The following COL4A6 variants were observed in gnomAD, a reference collection of about 807,000 sequenced individuals.
COL4A6 encodes collagen type IV alpha 6 chain, also known as collagen alpha-6(IV) chain.
In COL4A6, 59 loss-of-function variants were observed where a neutral mutation model predicts 126.7. The observed-to-expected ratio is 0.47, with a 90% CI of 0.38 to 0.58. COL4A6 has a LOEUF of 0.58. COL4A6 is among the 20% of genes least tolerant of loss of function. The pLI, the probability that COL4A6 is intolerant of heterozygous loss-of-function variation, is 0.00. For synonymous variants in COL4A6, 547 were observed against 496.6 expected (o/e 1.10, Z -1.35); for missense variants, 1,285 against 1,337.3 (o/e 0.96, Z 0.61).
chrX:108,306,291 G>A (rs1212530464), intron 3 of COL4A6, among the ~76,000 whole-genome samples: 3 of 112,133 alleles, frequency 2.7e-5, no homozygotes, highest in Non-Finnish European at 5.6e-5. Context: ...TCTGAGGAGT[G>A]AGAGGGCAAA....
At chrX:108,380,306 A>G (rs924271608) in intron 2 of COL4A6, among the ~76,000 whole-genome samples, 3 of 112,592 alleles carry the variant, frequency 2.7e-5, no homozygotes, top group African/African-American at 9.7e-5. Context: ...GTTCATAAAT[A>G]GCTGAATTGC....
rs1300240458 is a variant in COL4A6, at chrX:108,169,584, A to G, written c.3602T>C (p.Leu1201Pro). The change falls in exon 37 of 45, where the codon CTC (leucine) becomes CCC (proline). Residue 1201 changes from leucine (L) to proline (P), a missense_variant. Coordinates refer to ENST00000334504, the MANE Select transcript of COL4A6 (RefSeq NM_033641.4). ...TCCTTTTTCTCCTTTGGGTCCAGGG[A>G]GACCAGCAGGCCCAGGCACACCGGT... is the stretch of plus-strand genomic sequence containing the variant. ...SITGVPGPAG[L>P]PGPKGEKGYP... 2 of 1,211,247 alleles carry G rather than the reference A, an allele frequency of 1.7e-6. No homozygotes were observed. The highest frequency in any genetic ancestry group is 3.5e-5 in the South Asian group (2 of 56,798).
intron 37 of COL4A6, among the ~76,000 whole-genome samples, chrX:108,168,935 G>A (rs2034211483): frequency 8.9e-6 from 1 of 111,967 alleles, no homozygotes; most frequent in East Asian, 2.8e-4. Flanking sequence ...TGGGGAAAGG[G>A]AGACTCAGAA....
chrX:108,404,870 A>G (rs959933520), intron 2 of COL4A6, among the ~76,000 whole-genome samples: 13 of 112,125 alleles, frequency 1.2e-4, no homozygotes. Context: ...TCTTTTCACC[A>G]AAAGTAGAGT....
At chrX:108,368,327 T>C (rs182720728) in intron 2 of COL4A6, among the ~76,000 whole-genome samples, 1 of 111,669 alleles carries the variant, frequency 9.0e-6, no homozygotes, top group East Asian at 2.8e-4. Context: ...AAAGGCACTG[T>C]AAAAATATGG....
At chrX:108,163,550 G>T (rs1443822575) in intron 40 of COL4A6, 1 of 113,780 alleles carries the variant, frequency 8.8e-6, no homozygotes, top group Admixed American at 9.3e-5. Flanking sequence ...ATATGCCAGG[G>T]TCCTGGTAGC....
At chrX:108,226,823 A>G (rs2036180242) in intron 3 of COL4A6, among the ~76,000 whole-genome samples, 1 of 110,386 alleles carries the variant, frequency 9.1e-6, no homozygotes, top group Admixed American at 9.6e-5. Context: ...TGTGAATTCT[A>G]CCTCCAAAAT....
chrX:108,269,213 A>G, intron 3 of COL4A6: 1 of 328,230 alleles, frequency 3.0e-6, no homozygotes, highest in Non-Finnish European at 5.9e-6. Flanking sequence ...AAAGGAAGGG[A>G]CTTTCGGAGC....
chrX:108,226,835 T>TA (rs2036180935), intron 3 of COL4A6, among the ~76,000 whole-genome samples: 1 of 111,387 alleles, frequency 9.0e-6, no homozygotes, highest in Non-Finnish European at 1.9e-5. Context: ...CTCCAAAATC[T>TA]AACTGAAACC....
At position 108,205,446 on chromosome X, in the gene COL4A6, C is replaced by A. The variant is rs745825791; in HGVS notation, c.680G>T (p.Gly227Val). 1 of 1,201,061 alleles carries A rather than the reference C, an allele frequency of 8.3e-7. No homozygotes were observed. Among genetic ancestry groups the A allele is most frequent in the Non-Finnish European group, 1.1e-6 (1 of 886,160 alleles). ...NMGLGFQGEK[G>V]VKGDVGLPGP... ...TTTTTAAAAGCTGTTTACCTTGACT[C>A]CTTTCTCTCCTTGAAAACCTAGCCC... The change falls in exon 11 of 45, where the codon GGA (glycine) becomes GTA (valine). Residue 227 changes from glycine to valine, a missense_variant. Coordinates refer to ENST00000334504, the MANE Select transcript of COL4A6 (RefSeq NM_033641.4).
intron 30 of COL4A6, 93 bp from the exon 31 acceptor site, chrX:108,174,714 C>T (rs969680087): frequency 8.9e-6 from 7 of 788,881 alleles, no homozygotes; most frequent in African/African-American, 8.4e-5. Flanking sequence ...AGGCCAAGTG[C>T]AGGCTCAGGG....
intron 2 of COL4A6, among the ~76,000 whole-genome samples, chrX:108,322,480 T>G (rs1334626084): frequency 2.7e-5 from 3 of 111,949 alleles, no homozygotes; most frequent in Non-Finnish European, 5.6e-5. Flanking sequence ...AAACAACTGA[T>G]GGCATCAGGG....
At chrX:108,350,529 G>C (rs967179515) in intron 2 of COL4A6, among the ~76,000 whole-genome samples, 4 of 111,484 alleles carry the variant, frequency 3.6e-5, no homozygotes, top group Non-Finnish European at 5.7e-5. Context: ...GAGAACCAGA[G>C]TTGTAGGAAT....
At chrX:108,162,790 G>A (rs920875754) in intron 41 of COL4A6, 102 bp downstream of exon 41, 9 of 901,668 alleles carry the variant, frequency 1.0e-5, no homozygotes, top group Admixed American at 7.8e-5. Flanking sequence ...GAGAGGCAAC[G>A]CTTGATGAAG....
At chrX:108,437,860 C>T (rs1317614828) in intron 2 of COL4A6, 82 bp downstream of exon 2, 1 of 1,079,494 alleles carries the variant, frequency 9.3e-7, no homozygotes, top group African/African-American at 1.8e-5. Context: ...CTCTCTGCAA[C>T]CCCCTAACAT....
intron 24 of COL4A6, 48 bp downstream of exon 24, chrX:108,180,849 T>C (rs1220433023): frequency 1.8e-6 from 2 of 1,123,897 alleles, no homozygotes; most frequent in Non-Finnish European, 2.5e-6. Context: ...CTTTGCCTTA[T>C]GGCCCTTACA....
rs1381796398 is a variant in COL4A6 at position 108,212,887 on chromosome X, C to T, written c.442-1147G>A. Reference sequence around the variant, plus strand: ...TGTCAATGGGTATTTATTACCTCAACATTTATTTTCTCCTTTTAGGGGGTA... The same window carrying T: ...TGTCAATGGGTATTTATTACCTCAATATTTATTTTCTCCTTTTAGGGGGTA... On this transcript the variant is annotated intron_variant, in intron 6 of 44. Coordinates refer to ENST00000334504, the MANE Select transcript of COL4A6 (RefSeq NM_033641.4). 3.6e-5 allele frequency among the ~76,000 whole-genome samples: 4 copies of T among 111,906 alleles called. No individual in the cohort carries two copies. In the Admixed American group the frequency reaches 3.8e-4, roughly 11 times the overall value.
intron 2 of COL4A6, among the ~76,000 whole-genome samples, chrX:108,426,004 G>A (rs1314548682): frequency 1.8e-5 from 2 of 111,079 alleles, no homozygotes; most frequent in Non-Finnish European, 1.9e-5. Flanking sequence ...GTATCTATGA[G>A]CATGTTCTGG....
chrX:108,384,545 C>T (rs1459753492), intron 2 of COL4A6, among the ~76,000 whole-genome samples: 1 of 111,869 alleles, frequency 8.9e-6, no homozygotes, highest in Non-Finnish European at 1.9e-5. Flanking sequence ...GAGACTATTG[C>T]ATGAGAGGGA....
Sources: gnomAD v4.1 joint callset for allele counts (sites outside exome capture counted in the v4.1 genomes callset) on GRCh38, gnomAD v4.1.1 for gene constraint, MANE v1.5 for transcripts, NCBI Gene and HGNC (gene_info 2026-07-23, HGNC 2026-07-21) for gene names.